NTRK3: variants seen among roughly 807,000 people sequenced by gnomAD.
NTRK3 encodes neurotrophic receptor tyrosine kinase 3.
NTRK3 carries 24 observed loss-of-function variants against 91.7 expected under a neutral mutation model. The ratio of observed to expected loss-of-function variants is 0.26; its 90% CI spans 0.19 to 0.37. The LOEUF (loss-of-function observed/expected upper bound fraction) is 0.37, where lower values mean the gene tolerates loss of function less well. Among genes scored for constraint, NTRK3 ranks in the 10% least tolerant of loss-of-function variants. The pLI is 1.00. For synonymous variants in NTRK3, 483 were observed against 404.0 expected (o/e 1.20, Z -2.34); for missense variants, 880 against 1,068.9 (o/e 0.82, Z 2.46).
chr15:88,085,626 G>T (rs936896820), intron 13 of NTRK3, among the ~76,000 whole-genome samples: 17 of 151,404 alleles, frequency 1.1e-4, no homozygotes, highest in African/African-American at 3.7e-4. Flanking sequence ...AAGACTGAGT[G>T]GGGGGTGGTT....
At chr15:87,890,351 T>G (rs575203874) in intron 17 of NTRK3, among the ~76,000 whole-genome samples, 1 of 152,296 alleles carries the variant, frequency 6.6e-6, no homozygotes, top group Non-Finnish European at 1.5e-5. Context: ...ATTATAGTAT[T>G]CCTTCTGCAT....
At chr15:87,941,072 C>T (rs1161595851) in intron 14 of NTRK3, among the ~76,000 whole-genome samples, 2 of 152,130 alleles carry the variant, frequency 1.3e-5, no homozygotes, top group African/African-American at 2.4e-5. Context: ...GGAGATAGCA[C>T]AAAGCAGTCT....
chr15:87,887,538 G>A (rs1369430), intron 17 of NTRK3, among the ~76,000 whole-genome samples: 84,669 of 152,004 alleles, frequency 0.56, 25,459 homozygotes, highest in Non-Finnish European at 0.67. Context: ...TTCATTGTGT[G>A]TGTCTTTATA....
chr15:88,194,225 C>T (rs1043390742), intron 3 of NTRK3, among the ~76,000 whole-genome samples: 1 of 152,246 alleles, frequency 6.6e-6, no homozygotes, highest in Non-Finnish European at 1.5e-5. Context: ...GTATTCTTTG[C>T]CTGATCCTTA....
intron 13 of NTRK3, among the ~76,000 whole-genome samples, chr15:88,089,645 G>C (rs1555499063): frequency 6.6e-6 from 1 of 152,170 alleles, no homozygotes; most frequent in Non-Finnish European, 1.5e-5. Flanking sequence ...CCAGAAAGAT[G>C]CTCCCCTTGC....
chr15:87,965,678 C>T (rs1033440569), intron 14 of NTRK3, among the ~76,000 whole-genome samples: 3 of 152,208 alleles, frequency 2.0e-5, no homozygotes, highest in African/African-American at 4.8e-5. Flanking sequence ...TCTCTCTAAA[C>T]AATGGAAACT....
chr15:88,079,211 CA>C (rs1362402177), intron 13 of NTRK3, among the ~76,000 whole-genome samples: 1 of 152,094 alleles, frequency 6.6e-6, no homozygotes, highest in Non-Finnish European at 1.5e-5. Flanking sequence ...AGTTTGAAGT[CA>C]GAACAAAGAG....
intron 14 of NTRK3, among the ~76,000 whole-genome samples, chr15:87,970,732 C>T (rs1039538491): frequency 3.3e-5 from 5 of 152,068 alleles, no homozygotes; most frequent in African/African-American, 1.2e-4. Flanking sequence ...TATCATGAGA[C>T]TAAGGAGAAA....
chr15:88,197,827 G>A (rs1003842136), intron 3 of NTRK3, among the ~76,000 whole-genome samples: 3 of 152,154 alleles, frequency 2.0e-5, no homozygotes, highest in Non-Finnish European at 4.4e-5. Context: ...GCATCATCAT[G>A]CCGTCTCCCC....
chr15:88,083,529 T>C (rs2048241256), intron 13 of NTRK3, among the ~76,000 whole-genome samples: 1 of 152,162 alleles, frequency 6.6e-6, no homozygotes, highest in African/African-American at 2.4e-5. Context: ...GCCAGGAGTT[T>C]TCTAATAGCG....
At chr15:88,225,472 G>A (rs1176354042) in intron 3 of NTRK3, among the ~76,000 whole-genome samples, 1 of 152,126 alleles carries the variant, frequency 6.6e-6, no homozygotes, top group Non-Finnish European at 1.5e-5. Flanking sequence ...CCTGGATGCT[G>A]TTCAGAGTGG....
intron 3 of NTRK3, among the ~76,000 whole-genome samples, chr15:88,238,019 A>G (rs1296316838): frequency 6.6e-6 from 1 of 152,220 alleles, no homozygotes; most frequent in East Asian, 1.9e-4. Flanking sequence ...GCCCTAATTC[A>G]AAATGACTGG....
At chr15:87,877,041 C>T (rs780649803) in exon 19 of NTRK3, 1 of 1,613,982 alleles carries the variant, frequency 6.2e-7, no homozygotes, top group Non-Finnish European at 8.5e-7. Context: ...CTGCCAGCAC[C>T]CCAGCATGAC....
chr15:88,169,760 G>A (rs1464282715), intron 5 of NTRK3, among the ~76,000 whole-genome samples: 1 of 152,148 alleles, frequency 6.6e-6, no homozygotes, highest in East Asian at 1.9e-4. Flanking sequence ...TCACTGCCAG[G>A]CATCTGGACA....
chr15:88,183,012 A>ACCCCCCCCCCCCCCCCCCCCCCCCCT (rs370707792), intron 5 of NTRK3, among the ~76,000 whole-genome samples: 1 of 119,884 alleles, frequency 8.3e-6, no homozygotes, highest in Non-Finnish European at 1.7e-5. Context: ...TCTTCTTGCA[A>ACCCCCCCCCCCCCCCCCCCCCCCCCT]CCCCCCCCCG....
chr15:88,144,704 C>T (rs2042721397), intron 6 of NTRK3, among the ~76,000 whole-genome samples: 1 of 152,184 alleles, frequency 6.6e-6, no homozygotes, highest in South Asian at 2.1e-4. Flanking sequence ...ATTTGTAACA[C>T]TGGTCACACT....
chr15:88,162,631 T>C (rs1344930873), intron 5 of NTRK3, among the ~76,000 whole-genome samples: 1 of 152,208 alleles, frequency 6.6e-6, no homozygotes, highest in Non-Finnish European at 1.5e-5. Context: ...ACTGATTACA[T>C]GATAGAACAG....
Position 88,157,769 on chromosome 15 carries a change from G to T in NTRK3, c.396-10366C>A, listed in dbSNP as rs143599043. ...TGTGTCACCAGGCAAGTCACTGTTG[G>T]AGCCAGGACCCGGAGTCCTGGATTC... On this transcript the variant is annotated intron_variant, in intron 5 of 18. Coordinates refer to ENST00000394480, the Ensembl canonical transcript of NTRK3. 5.9e-3 allele frequency among the ~76,000 whole-genome samples: 894 copies of T among 152,206 alleles called. 12 individuals carry two copies. Among genetic ancestry groups the T allele is most frequent in the African/African-American group, 0.02 (834 of 41,528 alleles).
Position 87,976,029 on chromosome 15 carries a change from G to A in NTRK3, c.1586-35276C>T, listed in dbSNP as rs192267006. Among the ~76,000 whole-genome samples, 5 of 152,130 alleles carry A rather than the reference G, an allele frequency of 3.3e-5. No individual in the cohort carries two copies. In the East Asian group the frequency reaches 7.8e-4, roughly 24 times the overall value. On this transcript the variant is annotated intron_variant, in intron 14 of 18. Transcript: ENST00000394480. ...ATACTTTTCCTTCCCATATTCTCAGGGGCCATCTTTATCTATTATCTCTTC... is the reference window on the plus strand; with the variant it reads ...ATACTTTTCCTTCCCATATTCTCAGAGGCCATCTTTATCTATTATCTCTTC...
Sources: allele counts gnomAD v4.1 joint callset (sites outside exome capture counted in the v4.1 genomes callset), GRCh38; gene constraint gnomAD v4.1.1; transcripts MANE v1.5; gene names NCBI Gene and HGNC (gene_info 2026-07-23, HGNC 2026-07-21).